Variants in TUT4 observed in about 807,000 individuals in gnomAD.
TUT4 encodes the protein terminal uridylyltransferase 4.
Under a neutral mutation model 192.2 loss-of-function variants are expected in TUT4, and 36 were observed. The ratio of observed to expected loss-of-function variants is 0.19; its 90% CI spans 0.14 to 0.25. TUT4 has a LOEUF of 0.25. TUT4 is among the 10% of genes least tolerant of loss of function. The pLI, the probability that TUT4 is intolerant of heterozygous loss-of-function variation, is 1.00. For synonymous variants in TUT4, 618 were observed against 666.0 expected, an observed-to-expected ratio of 0.93 and a Z score of 1.11; for missense variants, 1,493 against 1,957.2, an observed-to-expected ratio of 0.76 and a Z score of 4.47.
At chr1:52,549,140 ACT>A (rs1265382441) in intron 1 of TUT4, among the ~76,000 whole-genome samples, 1 of 152,104 alleles carries the variant, frequency 6.6e-6, no homozygotes, top group East Asian at 1.9e-4. Flanking sequence ...AAACGGGTAA[ACT>A]CTGTTAGCTA....
At position 52,475,001 on chromosome 1, in the gene TUT4, C is replaced by G. The variant is rs1223908456; in HGVS notation, c.2558G>C (p.Arg853Thr). 6.2e-7 allele frequency: 1 copy of G among 1,614,182 alleles called. No individual in the cohort carries two copies. The highest frequency in any genetic ancestry group is 1.1e-5 in the South Asian group (1 of 91,084). The change falls in exon 13 of 30, where the codon AGG (arginine) becomes ACG (threonine). Residue 853 changes from arginine (R) to threonine (T), a missense_variant. By Grantham distance (71) the Arg-to-Thr change is moderately conservative. Transcript: ENST00000257177. ...TGAACTCTCTGTTTCTAAATTTGAC[C>G]TGCAGTCTGTTCCAGTAGATTTATC... The part of the protein sequence containing the change: ...DPDKSTGTDC[R>T]SNLETESSHQ...
intron 20 of TUT4, among the ~76,000 whole-genome samples, 199 bp from the exon 21 acceptor site, chr1:52,446,866 G>A (rs1391164622): frequency 6.6e-6 from 1 of 152,118 alleles, no homozygotes; most frequent in Non-Finnish European, 1.5e-5. Context: ...GCTGGAAAAG[G>A]ATGTCTTTTA....
At chr1:52,426,473 TAGGGAATAAA>T (rs1029642852) in intron 28 of TUT4, among the ~76,000 whole-genome samples, 8 of 152,156 alleles carry the variant, frequency 5.3e-5, no homozygotes, top group African/African-American at 9.7e-5. Context: ...CACAGTGTGC[TAGGGAATAAA>T]AGGGAATAAC....
chr1:52,470,514 G>C (rs1665449194), intron 14 of TUT4, among the ~76,000 whole-genome samples: 1 of 151,870 alleles, frequency 6.6e-6, no homozygotes, highest in Admixed American at 6.6e-5. Flanking sequence ...TTTATCAACA[G>C]GTGAATGGAT....
intron 20 of TUT4, 118 bp from the exon 21 acceptor site, chr1:52,446,785 A>G: frequency 1.5e-6 from 1 of 660,274 alleles, no homozygotes; most frequent in Non-Finnish European, 2.5e-6. Context: ...TCTTCCAAAA[A>G]GAACATGTCA....
rs1670517068 is a variant in TUT4, at chr1:52,489,097, A to T, written c.1389-62T>A. On this transcript the variant is annotated intron_variant, in intron 8 of 29. Coordinates refer to ENST00000257177, the MANE Select transcript of TUT4 (RefSeq NM_001009881.3). Reference sequence around the variant, plus strand: ...TACCCTTAAAAGCAGAATACTTCAAATCCTGTGGCTATTTTCTTTCTAGTT... The same window carrying T: ...TACCCTTAAAAGCAGAATACTTCAATTCCTGTGGCTATTTTCTTTCTAGTT... 2.0e-6 allele frequency: 3 copies of T among 1,470,910 alleles called. No individual in the cohort carries two copies. In the Admixed American group the frequency reaches 7.0e-5, roughly 34 times the overall value. The allele number at this position is 1,470,910 out of a possible 1,614,324, so 91.1% of individuals were successfully genotyped here. A position where few individuals can be genotyped will look rare whatever the true frequency, so the allele number is the denominator to read the frequency against.
At chr1:52,447,132 C>A (rs1657742419) in intron 20 of TUT4, among the ~76,000 whole-genome samples, 1 of 152,004 alleles carries the variant, frequency 6.6e-6, no homozygotes, top group South Asian at 2.1e-4. Flanking sequence ...GGCTAAAAAG[C>A]AATTGGACTA....
chr1:52,550,955 GA>G (rs2149801043), intron 1 of TUT4, among the ~76,000 whole-genome samples: 1 of 152,248 alleles, frequency 6.6e-6, no homozygotes, highest in East Asian at 1.9e-4. Flanking sequence ...GATTAACTTT[GA>G]GATAAAAAAG....
Position 52,509,696 on chromosome 1 carries a change from G to A in TUT4, c.899C>T (p.Thr300Ile), listed in dbSNP as rs1676571328. The A allele has an allele frequency of 6.2e-7, 1 of 1,606,374 alleles. No individual in the cohort carries two copies. The highest frequency in any genetic ancestry group is 8.5e-7 in the Non-Finnish European group (1 of 1,174,096). Residue 300 changes from threonine to isoleucine, a missense_variant, in exon 4 of 30, where the codon ACC becomes ATC. Thr to Ile is a moderately conservative substitution (Grantham distance 89). Coordinates refer to ENST00000257177, the MANE Select transcript of TUT4 (RefSeq NM_001009881.3). ...AAGTTTGCATAGATACCGACAATTG[G>A]TATATTCTGGTGATCGCTGAAGAGA... ...FRLEKRSPEY[T>I]NCRYLCKLCL...
chr1:52,545,005 C>T (rs537609307), intron 1 of TUT4, among the ~76,000 whole-genome samples: 2 of 149,276 alleles, frequency 1.3e-5, no homozygotes, highest in East Asian at 3.9e-4. Context: ...TGCACTGAGC[C>T]ATGATTGCGC....
At chr1:52,489,131 G>T in intron 8 of TUT4, 96 bp from the exon 9 acceptor site, 3 of 1,292,192 alleles carry the variant, frequency 2.3e-6, no homozygotes, top group Non-Finnish European at 3.1e-6. Flanking sequence ...TTATCATATT[G>T]TAACATAGTA....
chr1:52,525,812 G>T lies in TUT4; in HGVS notation c.469C>A (p.Pro157Thr). The change falls in exon 2 of 30, where the codon CCA (proline) becomes ACA (threonine). Residue 157 changes from proline to threonine, a missense_variant. Pro to Thr is a conservative substitution (Grantham distance 38). This residue lies in a region of TUT4 where 260 missense variants were observed against 247.8 expected (regional missense o/e 1.05). Coordinates refer to ENST00000257177, the MANE Select transcript of TUT4 (RefSeq NM_001009881.3). ...QMKSEKVPSS[P>T]AEAEKGPSLL... ...CTGGGTCCCTTTTCTGCTTCTGCTGGTGAACTTGGTACTTTTTCTGACTTC... is the reference window on the plus strand; with the variant it reads ...CTGGGTCCCTTTTCTGCTTCTGCTGTTGAACTTGGTACTTTTTCTGACTTC... The T allele has an allele frequency of 6.2e-7, 1 of 1,614,110 alleles. No individual in the cohort carries two copies. The highest frequency in any genetic ancestry group is 8.5e-7 in the Non-Finnish European group (1 of 1,180,026).
intron 1 of TUT4, among the ~76,000 whole-genome samples, chr1:52,530,591 A>T (rs1215968433): frequency 1.3e-5 from 2 of 152,186 alleles, no homozygotes; most frequent in Non-Finnish European, 1.5e-5. Flanking sequence ...TGCCTCAAAA[A>T]TTTTATCACA....
chr1:52,507,645 G>A (rs2149283539), intron 4 of TUT4, among the ~76,000 whole-genome samples: 1 of 152,186 alleles, frequency 6.6e-6, no homozygotes, highest in East Asian at 1.9e-4. Flanking sequence ...TCCAAAATGT[G>A]AAATGCTCCA....
At chr1:52,457,887 C>G (rs1008640659) in intron 20 of TUT4, among the ~76,000 whole-genome samples, 1 of 152,048 alleles carries the variant, frequency 6.6e-6, no homozygotes, top group African/African-American at 2.4e-5. Flanking sequence ...GAAGAGTTTC[C>G]CTGGGTTCAT....
At chr1:52,511,638 A>T (rs1321580789) in intron 3 of TUT4, among the ~76,000 whole-genome samples, 1 of 152,150 alleles carries the variant, frequency 6.6e-6, no homozygotes, top group African/African-American at 2.4e-5. Flanking sequence ...ACACATTTCA[A>T]GCAGAGGGAA....
intron 20 of TUT4, among the ~76,000 whole-genome samples, chr1:52,455,402 GT>G (rs984646077): frequency 4.2e-4 from 64 of 152,058 alleles, no homozygotes; most frequent in African/African-American, 1.5e-3. Context: ...GAGCCCAGGA[GT>G]TCGAGACCAG....
intron 14 of TUT4, among the ~76,000 whole-genome samples, chr1:52,469,187 T>C (rs1665003388): frequency 6.6e-6 from 1 of 152,124 alleles, no homozygotes; most frequent in Admixed American, 6.5e-5. Context: ...GTATGCAATT[T>C]TAAAAAAATC....
intron 1 of TUT4, among the ~76,000 whole-genome samples, chr1:52,539,917 A>C (rs1041738126): frequency 4.6e-5 from 7 of 150,858 alleles, no homozygotes; most frequent in Admixed American, 1.3e-4. Context: ...AAAAAAAAAA[A>C]AACAAAAAAA....
Sources: allele counts gnomAD v4.1 joint callset (sites outside exome capture counted in the v4.1 genomes callset), GRCh38; gene constraint gnomAD v4.1.1; regional missense constraint gnomAD v4.1.1; transcripts MANE v1.5; gene names NCBI Gene and HGNC (gene_info 2026-07-23, HGNC 2026-07-21).